AFF2: variants seen among roughly 807,000 people sequenced by gnomAD.
AFF2 encodes ALF transcription elongation factor 2.
In AFF2, 14 loss-of-function variants were observed where a neutral mutation model predicts 76.9. The ratio of observed to expected loss-of-function variants is 0.18; its 90% CI spans 0.12 to 0.28. The LOEUF is 0.28. Among genes scored for constraint, AFF2 ranks in the 10% least tolerant of loss-of-function variants. The pLI, the probability that AFF2 is intolerant of heterozygous loss-of-function variation, is 1.00. For synonymous variants in AFF2, 398 were observed against 366.7 expected, an observed-to-expected ratio of 1.09 and a Z score of -0.98; for missense variants, 868 against 1,001.1, an observed-to-expected ratio of 0.87 and a Z score of 1.79.
intron 1 of AFF2, among the ~76,000 whole-genome samples, chrX:148,593,753 A>G (rs782708509): frequency 8.9e-6 from 1 of 112,364 alleles, no homozygotes; most frequent in South Asian, 3.7e-4. Context: ...TGAGCACATT[A>G]CATGCATTCT....
intron 3 of AFF2, among the ~76,000 whole-genome samples, chrX:148,787,151 G>A (rs1557269578): frequency 8.9e-6 from 1 of 112,207 alleles, no homozygotes; most frequent in African/African-American, 3.2e-5. Context: ...CCAGAATTAA[G>A]TTTTTAACAT....
Position 148,973,518 on chromosome X carries a change from C to T in AFF2, c.3315C>T (p.Ser1105=). ...KAVNYADAAL[S]FTECGNAMER... is the part of the protein sequence containing the mutation. ...TGAATTATGCTGATGCCGCCCTCTC[C>T]TTCACTGAATGTGGCAATGCCATGG... is the stretch of plus-strand genomic sequence containing the variant. Residue 1105 remains serine, a synonymous_variant, in exon 16 of 21, where the codon TCC becomes TCT. Transcript: ENST00000370460. 8.3e-7 allele frequency: 1 copy of T among 1,211,691 alleles called. No individual in the cohort carries two copies. Among genetic ancestry groups the T allele is most frequent in the Non-Finnish European group, 1.1e-6 (1 of 895,329 alleles).
chrX:148,829,696 G>T (rs1319624064), intron 4 of AFF2, among the ~76,000 whole-genome samples: 2 of 112,249 alleles, frequency 1.8e-5, no homozygotes, highest in African/African-American at 6.5e-5. Flanking sequence ...AAGCAGTACA[G>T]ATGATTCACA....
chrX:148,555,745 T>C (rs782233116), intron 1 of AFF2, among the ~76,000 whole-genome samples: 19 of 112,537 alleles, frequency 1.7e-4, no homozygotes, highest in South Asian at 3.7e-4. Flanking sequence ...AAAATCACCA[T>C]AAGAAATCTT....
chrX:148,795,967 A>G (rs1267412286), intron 3 of AFF2, among the ~76,000 whole-genome samples: 1 of 98,416 alleles, frequency 1.0e-5, no homozygotes, highest in African/African-American at 3.6e-5. Context: ...CTTTTCAGGT[A>G]ACCAATTAAA....
At chrX:148,812,165 CT>C (rs1557271846) in intron 4 of AFF2, among the ~76,000 whole-genome samples, 1 of 111,652 alleles carries the variant, frequency 9.0e-6, no homozygotes, top group East Asian at 2.8e-4. Context: ...GCTTGTTGGG[CT>C]TTTTGTCTTA....
At chrX:148,725,549 T>C (rs1466472503) in intron 3 of AFF2, among the ~76,000 whole-genome samples, 4 of 111,818 alleles carry the variant, frequency 3.6e-5, no homozygotes, top group Non-Finnish European at 7.5e-5. Context: ...CTTAGCTTAC[T>C]AAGATATGGC....
At chrX:148,851,210 G>C (rs782757470) in intron 7 of AFF2, among the ~76,000 whole-genome samples, 27 of 111,903 alleles carry the variant, frequency 2.4e-4, no homozygotes, top group Non-Finnish European at 4.3e-4. Flanking sequence ...TTACACTGAC[G>C]AGTAGGGAGC....
intron 4 of AFF2, among the ~76,000 whole-genome samples, chrX:148,837,260 G>C (rs1263365900): frequency 1.8e-5 from 2 of 112,178 alleles, no homozygotes; most frequent in African/African-American, 6.5e-5. Context: ...GCCTGGAGAA[G>C]AGACGATGCC....
intron 1 of AFF2, among the ~76,000 whole-genome samples, chrX:148,614,650 T>TCTTC (rs1229805469): frequency 1.9e-4 from 20 of 106,721 alleles, no homozygotes; most frequent in African/African-American, 6.1e-4. Flanking sequence ...TCTCTTTCTT[T>TCTTC]CTTCCTTCCT....
intron 1 of AFF2, among the ~76,000 whole-genome samples, chrX:148,522,269 T>C (rs2052610381): frequency 1.8e-5 from 2 of 112,744 alleles, no homozygotes; most frequent in South Asian, 7.2e-4. Context: ...TATTTAACTA[T>C]GCGGGCTGTC....
chrX:148,755,322 CT>C (rs35115047), intron 3 of AFF2, among the ~76,000 whole-genome samples: 2 of 111,544 alleles, frequency 1.8e-5, no homozygotes, highest in Non-Finnish European at 3.8e-5. Flanking sequence ...AAACGTTTCC[CT>C]TTTTTTTCCA....
At chrX:148,874,411 A>T (rs2071012246) in intron 7 of AFF2, among the ~76,000 whole-genome samples, 1 of 82,137 alleles carries the variant, frequency 1.2e-5, no homozygotes, top group African/African-American at 4.6e-5. Context: ...CAAAGTTGTT[A>T]TAACTAGCCT....
At chrX:148,604,926 G>T (rs1557248599) in intron 1 of AFF2, among the ~76,000 whole-genome samples, 1 of 111,741 alleles carries the variant, frequency 8.9e-6, no homozygotes, top group Non-Finnish European at 1.9e-5. Flanking sequence ...GAAGTAGAAA[G>T]AAAAACTATA....
At chrX:148,903,054 C>T (rs782649061) in intron 8 of AFF2, among the ~76,000 whole-genome samples, 19 of 109,960 alleles carry the variant, frequency 1.7e-4, no homozygotes, top group African/African-American at 6.3e-4. Flanking sequence ...AAGTGGTTGC[C>T]TCTGTATTCT....
intron 8 of AFF2, among the ~76,000 whole-genome samples, chrX:148,902,405 A>G (rs1373130646): frequency 8.9e-6 from 1 of 112,191 alleles, no homozygotes; most frequent in Non-Finnish European, 1.9e-5. Flanking sequence ...TGATTTCCAC[A>G]GTGACATGTC....
intron 9 of AFF2, among the ~76,000 whole-genome samples, chrX:148,914,844 C>A (rs2071509320): frequency 8.9e-6 from 1 of 112,746 alleles, no homozygotes; most frequent in Non-Finnish European, 1.9e-5. Flanking sequence ...CATAAAATTT[C>A]TTTCTGAATG....
chrX:148,829,379 A>G (rs185102354), intron 4 of AFF2, among the ~76,000 whole-genome samples: 3 of 111,924 alleles, frequency 2.7e-5, no homozygotes, highest in Non-Finnish European at 3.8e-5. Flanking sequence ...TGACCACTAG[A>G]AAAGCTTGGC....
chrX:148,777,482 C>G (rs1251574174), intron 3 of AFF2, among the ~76,000 whole-genome samples: 1 of 111,997 alleles, frequency 8.9e-6, no homozygotes, highest in Non-Finnish European at 1.9e-5. Context: ...TTCTTCCTAT[C>G]CATGAGCATG....
Sources: allele counts gnomAD v4.1 joint callset (sites outside exome capture counted in the v4.1 genomes callset), GRCh38; gene constraint gnomAD v4.1.1; transcripts MANE v1.5; gene names NCBI Gene and HGNC (gene_info 2026-07-23, HGNC 2026-07-21).